The following CCSER1 variants were observed in gnomAD, a reference collection of about 807,000 sequenced individuals.
CCSER1 encodes serine-rich coiled-coil domain-containing protein 1.
Under a neutral mutation model 82.0 loss-of-function variants are expected in CCSER1, and 41 were observed. That is an observed-to-expected ratio of 0.50 (90% CI 0.39 to 0.65). The LOEUF is 0.65. CCSER1 is among the 30% of genes least tolerant of loss of function. CCSER1 has a pLI of 0.00. For synonymous variants in CCSER1, 414 were observed against 383.9 expected, an observed-to-expected ratio of 1.08 and a Z score of -0.92; for missense variants, 1,119 against 1,064.2, an observed-to-expected ratio of 1.05 and a Z score of -0.72.
intron 8 of CCSER1, among the ~76,000 whole-genome samples, chr4:90,867,331 A>G (rs185063912): frequency 1.5e-3 from 232 of 152,240 alleles, no homozygotes; most frequent in Middle Eastern, 6.8e-3. Context: ...AAGGTAATTC[A>G]TCTTTCAAAT....
At chr4:90,996,533 T>A (rs1433618007) in intron 9 of CCSER1, among the ~76,000 whole-genome samples, 1 of 152,128 alleles carries the variant, frequency 6.6e-6, no homozygotes, top group African/African-American at 2.4e-5. Flanking sequence ...TATTTTGTAT[T>A]CTAATTGATT....
intron 8 of CCSER1, among the ~76,000 whole-genome samples, chr4:90,882,930 T>A (rs1721561756): frequency 6.6e-6 from 1 of 152,110 alleles, no homozygotes; most frequent in African/African-American, 2.4e-5. Context: ...ATATTTATGT[T>A]CATGTTTAGA....
At chr4:90,823,450 T>G (rs1226884736) in intron 8 of CCSER1, among the ~76,000 whole-genome samples, 7 of 152,132 alleles carry the variant, frequency 4.6e-5, no homozygotes, top group Admixed American at 6.5e-5. Flanking sequence ...AGCTGTAAAC[T>G]GTTTGTGTTT....
chr4:91,266,107 A>G (rs1010220002), intron 10 of CCSER1, among the ~76,000 whole-genome samples: 3 of 152,198 alleles, frequency 2.0e-5, no homozygotes, highest in Non-Finnish European at 4.4e-5. Flanking sequence ...GGTCCCTGCT[A>G]CAACACGTGG....
rs1181650496 is a variant in CCSER1, at chr4:91,038,380, C to T, written c.2173-47570C>T. On this transcript the variant is annotated intron_variant, in intron 9 of 10. Coordinates refer to ENST00000509176, the MANE Select transcript of CCSER1 (RefSeq NM_001145065.2). ...ATAATTAAGTGAGGGGTTCAAAACC[C>T]TAGCTAATGTTCCTTAACCAAGGCT... 3.3e-5 allele frequency among the ~76,000 whole-genome samples: 5 copies of T among 150,602 alleles called. No homozygotes were observed. In the East Asian group the frequency reaches 9.9e-4, roughly 30 times the overall value.
At chr4:90,901,577 T>C (rs1287291988) in intron 8 of CCSER1, among the ~76,000 whole-genome samples, 1 of 152,100 alleles carries the variant, frequency 6.6e-6, no homozygotes, top group Non-Finnish European at 1.5e-5. Flanking sequence ...TTGGCTGGCA[T>C]GTTTTTTTCT....
intron 10 of CCSER1, among the ~76,000 whole-genome samples, chr4:91,421,024 C>T (rs543792109): frequency 3.4e-4 from 51 of 152,096 alleles, no homozygotes; most frequent in Non-Finnish European, 7.2e-4. Flanking sequence ...AGAAGCAGAG[C>T]GTAGAATTGT....
At chr4:90,837,325 T>G (rs1424654262) in intron 8 of CCSER1, among the ~76,000 whole-genome samples, 1 of 152,154 alleles carries the variant, frequency 6.6e-6, no homozygotes, top group Non-Finnish European at 1.5e-5. Context: ...AAATTTTTTT[T>G]GAGTATTTGA....
At chr4:90,294,778 C>T (rs749218488) in intron 1 of CCSER1, among the ~76,000 whole-genome samples, 4 of 151,906 alleles carry the variant, frequency 2.6e-5, no homozygotes, top group Non-Finnish European at 5.9e-5. Flanking sequence ...TCCCCGTTGA[C>T]GACAACCTCA....
chr4:90,406,538 C>T (rs1753757851), intron 4 of CCSER1, among the ~76,000 whole-genome samples: 1 of 152,086 alleles, frequency 6.6e-6, no homozygotes, highest in Non-Finnish European at 1.5e-5. Flanking sequence ...AACATTCTAC[C>T]CAACAACTGC....
chr4:90,763,004 T>C (rs745543392), intron 7 of CCSER1, among the ~76,000 whole-genome samples: 4 of 151,814 alleles, frequency 2.6e-5, no homozygotes, highest in African/African-American at 7.3e-5. Flanking sequence ...ATATGAGCAG[T>C]GATCAGAACC....
intron 8 of CCSER1, among the ~76,000 whole-genome samples, chr4:90,863,374 C>T (rs186205427): frequency 1.7e-4 from 26 of 151,968 alleles, no homozygotes; most frequent in Admixed American, 1.6e-3. Flanking sequence ...ACATTATTCA[C>T]AGGAATCATT....
intron 9 of CCSER1, among the ~76,000 whole-genome samples, chr4:90,972,504 G>A (rs10001098): frequency 0.037 from 5,683 of 151,552 alleles, 147 homozygotes; most frequent in Middle Eastern, 0.085. Context: ...ACTATAAAAC[G>A]CTGATGAAAG....
At chr4:90,844,498 C>T (rs1762961278) in intron 8 of CCSER1, among the ~76,000 whole-genome samples, 1 of 152,100 alleles carries the variant, frequency 6.6e-6, no homozygotes, top group Non-Finnish European at 1.5e-5. Flanking sequence ...ATGCTTCTTC[C>T]TTAGGGTATT....
chr4:91,224,165 T>C (rs1384470354), intron 10 of CCSER1, among the ~76,000 whole-genome samples: 2 of 152,020 alleles, frequency 1.3e-5, no homozygotes, highest in Admixed American at 1.3e-4. Context: ...CTTACTTGGC[T>C]TAGAAAGCAA....
At chr4:90,303,319 C>A (rs995262747) in intron 1 of CCSER1, among the ~76,000 whole-genome samples, 5 of 151,828 alleles carry the variant, frequency 3.3e-5, no homozygotes, top group African/African-American at 7.3e-5. Context: ...TCATATGGAA[C>A]CAAAAAAGAG....
At chr4:91,158,692 C>G (rs56788827) in intron 10 of CCSER1, among the ~76,000 whole-genome samples, 2 of 151,814 alleles carry the variant, frequency 1.3e-5, no homozygotes, top group African/African-American at 4.8e-5. Context: ...CGCACATGCA[C>G]GCACACACAC....
chr4:90,672,413 G>A (rs1293684837), intron 6 of CCSER1, among the ~76,000 whole-genome samples: 1 of 151,914 alleles, frequency 6.6e-6, no homozygotes. Flanking sequence ...TTCTTCTGCA[G>A]TTTCCTCACT....
chr4:90,137,976 G>A (rs954594409), intron 1 of CCSER1, among the ~76,000 whole-genome samples: 1 of 152,162 alleles, frequency 6.6e-6, no homozygotes, highest in African/African-American at 2.4e-5. Flanking sequence ...AATATTCTGT[G>A]TATGTTAGTA....
Sources: allele counts gnomAD v4.1 joint callset (sites outside exome capture counted in the v4.1 genomes callset), GRCh38; gene constraint gnomAD v4.1.1; transcripts MANE v1.5; gene names NCBI Gene and HGNC (gene_info 2026-07-23, HGNC 2026-07-21).